The following KCNH5 variants were observed in gnomAD, a reference collection of about 807,000 sequenced individuals.
The protein encoded by KCNH5 is potassium voltage-gated channel subfamily H member 5.
In KCNH5, 46 loss-of-function variants were observed where a neutral mutation model predicts 96.1. The ratio of observed to expected loss-of-function variants is 0.48; its 90% CI spans 0.38 to 0.61. KCNH5 has a LOEUF of 0.61. KCNH5 is among the 20% of genes least tolerant of loss of function. The pLI is 0.00. For synonymous variants in KCNH5, 439 were observed against 449.8 expected (o/e 0.98, Z 0.30); for missense variants, 907 against 1,225.8 (o/e 0.74, Z 3.88).
At chr14:63,024,291 T>C (rs1186523501) in intron 1 of KCNH5, among the ~76,000 whole-genome samples, 1 of 151,706 alleles carries the variant, frequency 6.6e-6, no homozygotes, top group Non-Finnish European at 1.5e-5. Flanking sequence ...ATAAAAATCG[T>C]TTTTAGAGGG....
chr14:62,867,070 C>T (rs928241403), intron 7 of KCNH5, among the ~76,000 whole-genome samples: 2 of 152,260 alleles, frequency 1.3e-5, no homozygotes, highest in Middle Eastern at 3.4e-3. Context: ...CTTGCTTCCA[C>T]CCGCAACTTA....
chr14:62,933,515 G>C (rs1197054427), intron 7 of KCNH5, among the ~76,000 whole-genome samples: 1 of 151,852 alleles, frequency 6.6e-6, no homozygotes, highest in Non-Finnish European at 1.5e-5. Context: ...GTAGTTAAGA[G>C]ACATAGGACA....
At chr14:62,728,612 T>C (rs960564133) in intron 10 of KCNH5, among the ~76,000 whole-genome samples, 5 of 152,198 alleles carry the variant, frequency 3.3e-5, no homozygotes, top group African/African-American at 1.2e-4. Context: ...GCATAAGCTC[T>C]GCTGTCATGC....
At chr14:62,985,196 T>C (rs1427048854) in intron 5 of KCNH5, among the ~76,000 whole-genome samples, 2 of 152,228 alleles carry the variant, frequency 1.3e-5, no homozygotes, top group African/African-American at 4.8e-5. Context: ...GTGATTATTA[T>C]TACTAGTTAA....
chr14:62,776,958 C>G (rs971982987), intron 10 of KCNH5, among the ~76,000 whole-genome samples: 5 of 152,178 alleles, frequency 3.3e-5, no homozygotes, highest in Admixed American at 2.0e-4. Context: ...TGGCTGACAA[C>G]TTGGATTCAA....
chr14:62,905,347 C>T (rs1001567724), intron 7 of KCNH5, among the ~76,000 whole-genome samples: 2 of 152,196 alleles, frequency 1.3e-5, no homozygotes, highest in Non-Finnish European at 2.9e-5. Flanking sequence ...GAAACTGAGG[C>T]TATGGAAGGA....
At chr14:62,972,611 T>C (rs2139559000) in intron 6 of KCNH5, among the ~76,000 whole-genome samples, 1 of 152,292 alleles carries the variant, frequency 6.6e-6, no homozygotes, top group East Asian at 1.9e-4. Flanking sequence ...TCCAAGATGT[T>C]CTTCAGTAGG....
chr14:63,010,128 T>C (rs969744390), intron 2 of KCNH5, among the ~76,000 whole-genome samples: 2 of 152,198 alleles, frequency 1.3e-5, no homozygotes, highest in African/African-American at 4.8e-5. Context: ...GCAATCTATC[T>C]CTGTTATAAT....
intron 7 of KCNH5, among the ~76,000 whole-genome samples, chr14:62,916,737 C>T (rs532726792): frequency 1.6e-3 from 251 of 152,140 alleles, no homozygotes; most frequent in African/African-American, 5.6e-3. Flanking sequence ...ACAGCTCCAA[C>T]GGAGGGTCAT....
intron 10 of KCNH5, among the ~76,000 whole-genome samples, chr14:62,752,759 C>G (rs920675183): frequency 6.6e-6 from 1 of 152,104 alleles, no homozygotes; most frequent in Non-Finnish European, 1.5e-5. Flanking sequence ...TGACTTCCCA[C>G]AAGATCTGAT....
intron 7 of KCNH5, among the ~76,000 whole-genome samples, chr14:62,850,165 T>G (rs1290332457): frequency 6.6e-6 from 1 of 152,154 alleles, no homozygotes. Flanking sequence ...AAGTTATAAT[T>G]TAGCCTAAGA....
intron 5 of KCNH5, among the ~76,000 whole-genome samples, chr14:62,984,852 G>A (rs573781269): frequency 3.3e-5 from 5 of 152,222 alleles, no homozygotes; most frequent in Non-Finnish European, 7.4e-5. Context: ...CTTTTCCGTT[G>A]ATACAGTGAA....
chr14:62,999,623 A>G (rs538086530), intron 4 of KCNH5, among the ~76,000 whole-genome samples: 1 of 150,256 alleles, frequency 6.7e-6, no homozygotes, highest in East Asian at 2.0e-4. Flanking sequence ...ACAAAAAACC[A>G]AACACCGCAT....
intron 7 of KCNH5, among the ~76,000 whole-genome samples, chr14:62,877,740 G>A (rs1371702881): frequency 6.6e-6 from 1 of 151,878 alleles, no homozygotes; most frequent in Non-Finnish European, 1.5e-5. Context: ...CTTTTACACT[G>A]TTGGTGGGAC....
intron 8 of KCNH5, among the ~76,000 whole-genome samples, chr14:62,842,276 T>A (rs1203315161): frequency 1.3e-5 from 2 of 152,192 alleles, no homozygotes; most frequent in African/African-American, 2.4e-5. Flanking sequence ...GCTTGTAATG[T>A]TTTCAATAAG....
chr14:62,823,233 T>C (rs1019022765), intron 8 of KCNH5, among the ~76,000 whole-genome samples: 3 of 152,156 alleles, frequency 2.0e-5, no homozygotes, highest in African/African-American at 7.2e-5. Context: ...TTTGATATTA[T>C]TTCTGTTCCT....
At chr14:62,899,189 T>C (rs1566700247) in intron 7 of KCNH5, among the ~76,000 whole-genome samples, 1 of 152,162 alleles carries the variant, frequency 6.6e-6, no homozygotes, top group Non-Finnish European at 1.5e-5. Context: ...ATAAAGCAAG[T>C]CTTGAAAATT....
At chr14:62,776,491 G>A in intron 10 of KCNH5, among the ~76,000 whole-genome samples, 1 of 152,144 alleles carries the variant, frequency 6.6e-6, no homozygotes. Flanking sequence ...CTCCAGAACT[G>A]TGAGAAATAA....
chr14:62,895,203 G>T (rs1017219665), intron 7 of KCNH5, among the ~76,000 whole-genome samples: 3 of 152,018 alleles, frequency 2.0e-5, no homozygotes, highest in African/African-American at 7.3e-5. Flanking sequence ...AGTGTTCTTT[G>T]TTAATTTTTT....
Sources: allele counts gnomAD v4.1 joint callset (sites outside exome capture counted in the v4.1 genomes callset), GRCh38; gene constraint gnomAD v4.1.1; transcripts MANE v1.5; gene names NCBI Gene and HGNC (gene_info 2026-07-23, HGNC 2026-07-21).